Variants in PTPRJ observed in about 807,000 individuals in gnomAD.
The protein encoded by PTPRJ is receptor-type tyrosine-protein phosphatase eta.
In PTPRJ, 129 loss-of-function variants were observed where a neutral mutation model predicts 141.3. The observed-to-expected ratio is 0.91, with a 90% CI of 0.79 to 1.06. The LOEUF (loss-of-function observed/expected upper bound fraction) is 1.06, where lower values mean the gene tolerates loss of function less well. PTPRJ is among the 50% of genes least tolerant of loss of function. The pLI is 0.00. For synonymous variants in PTPRJ, 610 were observed against 640.5 expected (o/e 0.95, Z 0.72); for missense variants, 1,601 against 1,679.7 (o/e 0.95, Z 0.82).
At chr11:48,112,436 T>C (rs952434646) in intron 2 of PTPRJ, among the ~76,000 whole-genome samples, 1 of 152,248 alleles carries the variant, frequency 6.6e-6, no homozygotes, top group African/African-American at 2.4e-5. Flanking sequence ...GCAGCCAGTG[T>C]GGCCAAGGTT....
intron 10 of PTPRJ, 100 bp from the exon 11 acceptor site, chr11:48,139,382 TCACC>T: frequency 7.9e-7 from 1 of 1,273,692 alleles, no homozygotes; most frequent in Non-Finnish European, 1.1e-6. Flanking sequence ...TTCCACCACA[TCACC>T]CACCCACCTT....
intron 1 of PTPRJ, among the ~76,000 whole-genome samples, chr11:48,008,845 G>C (rs1024986374): frequency 2.6e-5 from 4 of 152,174 alleles, no homozygotes; most frequent in African/African-American, 9.7e-5. Flanking sequence ...GATTACAGTC[G>C]TGAGCCACCA....
In PTPRJ at chr11:48,123,773, C is replaced by G. The variant is rs752214077; in HGVS notation, c.777C>G (p.Ile259Met). The G allele has an allele frequency of 1.2e-5, 19 of 1,614,010 alleles. No individual in the cohort carries two copies. The highest frequency in any genetic ancestry group is 1.5e-5 in the Non-Finnish European group (18 of 1,180,032). The change falls in exon 5 of 25, where the codon ATC (isoleucine) becomes ATG (methionine). Residue 259 changes from isoleucine (I) to methionine (M), a missense_variant. Transcript: ENST00000418331. ...AAGACTCAAGACTTCAGGTCAATAT[C>G]TCGGGCCTGAAGCCAGGGGTTCAAT... Reference protein sequence around the residue: ...LTQDSRLQVNISGLKPGVQYN... With the variant: ...LTQDSRLQVNMSGLKPGVQYN...
At chr11:48,159,125 GTGTGTGTGT>G (rs1857696377) in intron 21 of PTPRJ, among the ~76,000 whole-genome samples, 2 of 136,734 alleles carry the variant, frequency 1.5e-5, no homozygotes, top group Non-Finnish European at 1.6e-5. Context: ...TATGTGGGGT[GTGTGTGTGT>G]GTGTGTGTGT....
intron 1 of PTPRJ, among the ~76,000 whole-genome samples, chr11:48,029,860 G>A (rs924576973): frequency 6.6e-6 from 1 of 152,178 alleles, no homozygotes; most frequent in Non-Finnish European, 1.5e-5. Context: ...GAACAGTACT[G>A]TTTTCTACTT....
At chr11:48,001,755 A>G (rs544167083) in intron 1 of PTPRJ, among the ~76,000 whole-genome samples, 6 of 152,308 alleles carry the variant, frequency 3.9e-5, no homozygotes, top group Admixed American at 1.3e-4. Context: ...CACACAGCCA[A>G]TCAGTTGAGA....
At chr11:48,051,920 T>TG (rs1854581430) in intron 1 of PTPRJ, among the ~76,000 whole-genome samples, 1 of 152,226 alleles carries the variant, frequency 6.6e-6, no homozygotes, top group Admixed American at 6.5e-5. Flanking sequence ...CATATCTGAA[T>TG]GTAACGAGAA....
At chr11:48,137,745 C>T (rs1003384049) in intron 10 of PTPRJ, among the ~76,000 whole-genome samples, 1 of 152,026 alleles carries the variant, frequency 6.6e-6, no homozygotes, top group Admixed American at 6.6e-5. Context: ...GGAGTGGACC[C>T]GCAGGAACAG....
intron 11 of PTPRJ, among the ~76,000 whole-genome samples, chr11:48,140,664 G>C (rs1389067731): frequency 1.3e-5 from 2 of 152,080 alleles, no homozygotes; most frequent in African/African-American, 4.8e-5. Flanking sequence ...TTTAGAGCAG[G>C]ACCATCCCAC....
At chr11:48,109,080 G>A (rs962885881) in intron 1 of PTPRJ, among the ~76,000 whole-genome samples, 3 of 152,258 alleles carry the variant, frequency 2.0e-5, no homozygotes, top group South Asian at 2.1e-4. Flanking sequence ...AAAGGTCTGG[G>A]CAGAGTGTGT....
At chr11:48,012,060 G>A (rs948127032) in intron 1 of PTPRJ, among the ~76,000 whole-genome samples, 17 of 152,140 alleles carry the variant, frequency 1.1e-4, no homozygotes, top group East Asian at 1.9e-4. Flanking sequence ...CCATTTATGC[G>A]TATTTTGTAG....
intron 1 of PTPRJ, among the ~76,000 whole-genome samples, chr11:47,988,458 A>C (rs1156443318): frequency 6.6e-6 from 1 of 151,778 alleles, no homozygotes; most frequent in Admixed American, 6.6e-5. Flanking sequence ...TGATCCACCC[A>C]CCTCGGCCTC....
chr11:48,121,159 G>A lies in PTPRJ; in HGVS notation c.509G>A (p.Trp170Ter). 1.2e-6 allele frequency: 2 copies of A among 1,614,048 alleles called. No homozygotes were observed. The highest frequency in any genetic ancestry group is 1.7e-6 in the Non-Finnish European group (2 of 1,179,974). ...ACAATTACTGTTGTGCATCAACCATGGTGTAACATCACAGGCTTACGTCCA... is the reference window on the plus strand; with the variant it reads ...ACAATTACTGTTGTGCATCAACCATAGTGTAACATCACAGGCTTACGTCCA... ...EKTITVVHQPWCNITGLRPAT... is the reference protein window; with the variant it reads ...EKTITVVHQP Residue 170 changes from tryptophan (W) to a stop codon, truncating the protein, a stop_gained, in exon 4 of 25, where the codon TGG (tryptophan) becomes TAG (stop). Transcript: ENST00000418331. LOFTEE classifies it high-confidence loss of function.
intron 7 of PTPRJ, 145 bp from the exon 8 acceptor site, chr11:48,130,314 A>G: frequency 2.5e-6 from 2 of 796,536 alleles, no homozygotes; most frequent in South Asian, 3.9e-5. Context: ...TGAGGGGCTC[A>G]TGTTGTAGGT....
intron 1 of PTPRJ, among the ~76,000 whole-genome samples, chr11:48,103,894 C>T (rs1313912102): frequency 1.3e-5 from 2 of 152,236 alleles, no homozygotes; most frequent in Non-Finnish European, 1.5e-5. Flanking sequence ...AGGAGGCCAT[C>T]GTGCCTCCAG....
At chr11:47,986,008 T>C (rs1293972308) in intron 1 of PTPRJ, among the ~76,000 whole-genome samples, 1 of 152,062 alleles carries the variant, frequency 6.6e-6, no homozygotes, top group Non-Finnish European at 1.5e-5. Flanking sequence ...GCCCAGACAT[T>C]TTTTAGACAG....
chr11:48,131,680 T>C (rs1379400410), intron 8 of PTPRJ: 1 of 547,018 alleles, frequency 1.8e-6, no homozygotes, highest in East Asian at 3.0e-5. Context: ...GGTGCTAGAA[T>C]TGAGTAGTGG....
chr11:47,988,210 GA>G (rs1253078359), intron 1 of PTPRJ, among the ~76,000 whole-genome samples: 5 of 152,136 alleles, frequency 3.3e-5, no homozygotes, highest in African/African-American at 4.8e-5. Context: ...TCTTGGGGGG[GA>G]AAAGAAGAGA....
At position 48,144,666 on chromosome 11, in the gene PTPRJ, C is replaced by T. The variant is rs1316631869; in HGVS notation, c.2576-9C>T. 6.2e-7 allele frequency: 1 copy of T among 1,608,240 alleles called. No homozygotes were observed. Among genetic ancestry groups the T allele is most frequent in the Admixed American group, 1.7e-5 (1 of 59,874 alleles). On this transcript the variant is annotated splice_polypyrimidine_tract_variant and intron_variant, in intron 12 of 24. Coordinates refer to ENST00000418331, the MANE Select transcript of PTPRJ (RefSeq NM_002843.4). ...TTCTTATGATTCTCCTTCTGTGTAC[C>T]TTTCTTAGCTGGTCACCCTTCTGCA...
Sources: gnomAD v4.1 joint callset for allele counts (sites outside exome capture counted in the v4.1 genomes callset) on GRCh38, gnomAD v4.1.1 for gene constraint, MANE v1.5 for transcripts, NCBI Gene and HGNC (gene_info 2026-07-23, HGNC 2026-07-21) for gene names.